The following COL9A1 variants were observed in gnomAD, a reference collection of about 807,000 sequenced individuals.
COL9A1 encodes collagen type IX alpha 1 chain.
In COL9A1, 104 loss-of-function variants were observed where a neutral mutation model predicts 142.6. The ratio of observed to expected loss-of-function variants is 0.73; its 90% confidence interval spans 0.62 to 0.86. The LOEUF (loss-of-function observed/expected upper bound fraction) is 0.86. Among genes scored for constraint, COL9A1 ranks in the 40% least tolerant of loss-of-function variants. The pLI is 0.00. For missense variants in COL9A1, 1,210 were observed against 1,176.6 expected (o/e 1.03, Z -0.42); for synonymous variants, 466 against 396.0 (o/e 1.18, Z -2.10).
intron 28 of COL9A1, among the ~76,000 whole-genome samples, chr6:70,249,562 G>C (rs931051020): frequency 7.9e-5 from 12 of 152,104 alleles, no homozygotes; most frequent in African/African-American, 2.9e-4. Flanking sequence ...AAATATAAGA[G>C]ATCTTGAAAA....
intron 28 of COL9A1, among the ~76,000 whole-genome samples, chr6:70,249,012 G>T (rs533685475): frequency 2.0e-5 from 3 of 152,024 alleles, no homozygotes; most frequent in African/African-American, 7.2e-5. Context: ...TTAAATGCAG[G>T]GTCTGGCCTA....
intron 20 of COL9A1, among the ~76,000 whole-genome samples, chr6:70,257,233 G>A (rs1237896178): frequency 6.6e-6 from 1 of 151,788 alleles, no homozygotes; most frequent in Non-Finnish European, 1.5e-5. Context: ...GCTAATTTTT[G>A]TATTTTTAGT....
rs763708691 is a variant in COL9A1 at position 70,255,109 on chromosome 6, T to C, written c.1611+41A>G. 2.0e-5 allele frequency: 32 copies of C among 1,612,742 alleles called. No individual in the cohort carries two copies. In the East Asian group the frequency reaches 7.1e-4, roughly 36 times the overall value. ...CTAAAGTTTCATTGCAAGTCAATGA[T>C]CACTGAAAAATGTGCTTGATGACTA... On this transcript the variant is annotated intron_variant, in intron 23 of 37. Transcript: ENST00000357250.
At chr6:70,294,642 C>T in intron 4 of COL9A1, 79 bp from the exon 5 acceptor site, 1 of 1,350,420 alleles carries the variant, frequency 7.4e-7, no homozygotes, top group Non-Finnish European at 1.1e-6. Flanking sequence ...CTTTTGAGGC[C>T]ATTTTAGATG....
chr6:70,269,137 A>T (rs1772231826), intron 16 of COL9A1, among the ~76,000 whole-genome samples: 1 of 152,120 alleles, frequency 6.6e-6, no homozygotes, highest in Non-Finnish European at 1.5e-5. Context: ...TATTTTGCAA[A>T]ATTTATTTCA....
At position 70,244,601 on chromosome 6, in the gene COL9A1, T is replaced by C. The variant is rs183770195; in HGVS notation, c.1873-1886A>G. Among the ~76,000 whole-genome samples, 6 of 152,342 alleles carry C rather than the reference T, an allele frequency of 3.9e-5. No homozygotes were observed. In the East Asian group the frequency reaches 1.2e-3, roughly 29 times the overall value. ...TATCAGAAGGGGAAATCTCAGTTTTTGGCACATTCTCAAGTATTCATTTCT... is the reference window on the plus strand; with the variant it reads ...TATCAGAAGGGGAAATCTCAGTTTTCGGCACATTCTCAAGTATTCATTTCT... On this transcript the variant is annotated intron_variant, in intron 28 of 37. Coordinates refer to ENST00000357250, the MANE Select transcript of COL9A1 (RefSeq NM_001851.6).
intron 28 of COL9A1, among the ~76,000 whole-genome samples, chr6:70,249,557 T>C (rs1333159032): frequency 6.6e-6 from 1 of 152,022 alleles, no homozygotes; most frequent in Non-Finnish European, 1.5e-5. Flanking sequence ...GAGTCAAATA[T>C]AAGAGATCTT....
intron 28 of COL9A1, among the ~76,000 whole-genome samples, chr6:70,249,834 A>C (rs974359680): frequency 2.0e-5 from 3 of 152,114 alleles, no homozygotes; most frequent in Non-Finnish European, 4.4e-5. Flanking sequence ...TATGCAGCCC[A>C]CGGCACTTAA....
Position 70,302,889 on chromosome 6 carries a change from C to T in COL9A1, c.14+22G>A, listed in dbSNP as rs754569163. 4 of 1,613,794 alleles carry T rather than the reference C, an allele frequency of 2.5e-6. No homozygotes were observed. The African/African-American group carries it at 4.0e-5, about 16-fold the overall frequency. On this transcript the variant is annotated intron_variant, in intron 1 of 37. Transcript: ENST00000357250. ...CCCCCAGCTCCATCTCCCCACCACT[C>T]TTTCCAGGGTTATTGTCTTACCAGC...
intron 25 of COL9A1, 24 bp from the exon 26 acceptor site, chr6:70,253,453 T>A (rs701690): frequency 5.1e-6 from 8 of 1,572,988 alleles, no homozygotes; most frequent in African/African-American, 4.1e-5. Context: ...TACACAATCC[T>A]AGTTTAATCA....
At chr6:70,289,599 A>G (rs1399300018) in intron 5 of COL9A1, among the ~76,000 whole-genome samples, 1 of 152,192 alleles carries the variant, frequency 6.6e-6, no homozygotes, top group African/African-American at 2.4e-5. Flanking sequence ...TTTTAATCAA[A>G]TCAAAATTTT....
rs1248219776 is a variant in COL9A1 at position 70,260,963 on chromosome 6, A to G, written c.1396-253T>C. 9.6e-6 allele frequency: 4 copies of G among 416,288 alleles called. No individual in the cohort carries two copies. In the East Asian group the frequency reaches 1.7e-4, roughly 18 times the overall value. The allele number at this position is 416,288 out of a possible 1,614,324, so 25.8% of individuals were successfully genotyped here. A position where few individuals can be genotyped will look rare whatever the true frequency, so the allele number is the denominator to read the frequency against. ...GTTGACAAAATCACTTATGACAAAAAAAGTAAATACCAGCATAAGAGAAAT... is the reference window on the plus strand; with the variant it reads ...GTTGACAAAATCACTTATGACAAAAGAAGTAAATACCAGCATAAGAGAAAT... On this transcript the variant is annotated intron_variant, in intron 19 of 37. Transcript: ENST00000357250.
At chr6:70,297,257 G>A (rs1344758932) in intron 4 of COL9A1, among the ~76,000 whole-genome samples, 2 of 152,094 alleles carry the variant, frequency 1.3e-5, no homozygotes, top group African/African-American at 2.4e-5. Flanking sequence ...ATTGCTAAAT[G>A]AATACCTCAA....
chr6:70,252,259 T>G lies in COL9A1; in HGVS notation c.1818+3A>C. 6.2e-7 allele frequency: 1 copy of G among 1,614,196 alleles called. No individual in the cohort carries two copies. The highest frequency in any genetic ancestry group is 8.5e-7 in the Non-Finnish European group (1 of 1,180,012). On this transcript the variant is annotated splice_donor_region_variant and intron_variant, in intron 27 of 37. Transcript: ENST00000357250. Reference sequence around the variant, plus strand: ...CTTCAGGAGAGGTAAAATGGTGTCTTACCGGTTTGCCTGAATTTCCCATCT... The same window carrying G: ...CTTCAGGAGAGGTAAAATGGTGTCTGACCGGTTTGCCTGAATTTCCCATCT...
At chr6:70,278,946 G>C (rs1772938554) in intron 10 of COL9A1, among the ~76,000 whole-genome samples, 1 of 152,104 alleles carries the variant, frequency 6.6e-6, no homozygotes, top group Non-Finnish European at 1.5e-5. Flanking sequence ...TATTAAATTG[G>C]GGGACAGATA....
intron 20 of COL9A1, among the ~76,000 whole-genome samples, chr6:70,258,309 A>G (rs1358990834): frequency 6.6e-6 from 1 of 152,232 alleles, no homozygotes. Context: ...AAAACAATCA[A>G]GAGTACTGGA....
At chr6:70,269,812 T>G in intron 15 of COL9A1, 147 bp from the exon 16 acceptor site, 1 of 609,994 alleles carries the variant, frequency 1.6e-6, no homozygotes, top group East Asian at 2.8e-5. Flanking sequence ...TATTCTAAAA[T>G]CCTGACTCAT....
At chr6:70,219,278 GA>G (rs1768724583) in intron 37 of COL9A1, among the ~76,000 whole-genome samples, 1 of 152,094 alleles carries the variant, frequency 6.6e-6, no homozygotes, top group Non-Finnish European at 1.5e-5. Flanking sequence ...GCCCAAAGAA[GA>G]GGTAGAAAAC....
At chr6:70,249,780 AC>A (rs140360554) in intron 28 of COL9A1, among the ~76,000 whole-genome samples, 6,950 of 151,952 alleles carry the variant, frequency 0.046, 328 homozygotes, top group East Asian at 0.14. Flanking sequence ...TCAACCCCCT[AC>A]CCCATCCTCT....
Sources: gnomAD v4.1 joint callset for allele counts (sites outside exome capture counted in the v4.1 genomes callset) on GRCh38, gnomAD v4.1.1 for gene constraint, MANE v1.5 for transcripts, NCBI Gene and HGNC (gene_info 2026-07-23, HGNC 2026-07-21) for gene names.